BTD: variants seen among roughly 807,000 people sequenced by gnomAD.
The protein encoded by BTD is biocytinase.
BTD carries 13 observed loss-of-function variants against 17.7 expected under a neutral mutation model. The ratio of observed to expected loss-of-function variants is 0.74; its 90% CI spans 0.48 to 1.17. The LOEUF is 1.17. Among genes scored for constraint, BTD ranks in the 50% most tolerant of loss-of-function variants. The pLI, the probability that BTD is intolerant of heterozygous loss-of-function variation, is 0.00. For synonymous variants in BTD, 240 were observed against 245.2 expected (o/e 0.98, Z 0.20); for missense variants, 674 against 650.4 (o/e 1.04, Z -0.39).
intron 4 of BTD, among the ~76,000 whole-genome samples, chr3:15,718,808 T>C (rs1276553658): frequency 6.6e-6 from 1 of 152,232 alleles, no homozygotes; most frequent in Non-Finnish European, 1.5e-5. Context: ...GAAAACTTGG[T>C]TGTGACGTTT....
chr3:15,632,330 C>A (rs2065234287), intron 1 of BTD, among the ~76,000 whole-genome samples: 1 of 152,198 alleles, frequency 6.6e-6, no homozygotes, highest in African/African-American at 2.4e-5. Context: ...ACACCTAACC[C>A]CTGGGGCTGG....
At chr3:15,611,892 T>A (rs985574550) in intron 1 of BTD, among the ~76,000 whole-genome samples, 2 of 152,124 alleles carry the variant, frequency 1.3e-5, no homozygotes, top group Non-Finnish European at 2.9e-5. Flanking sequence ...TAAAAAAAAT[T>A]CTTCTGCATT....
chr3:15,649,895 A>G lies in BTD; in HGVS notation c.*4407A>G, dbSNP rs1470750319. ...TGAGTGACAGCTCTGTGCTGGATGCACATAAATGGTCTCCCTTAACTGCCA... is the reference window on the plus strand; with the variant it reads ...TGAGTGACAGCTCTGTGCTGGATGCGCATAAATGGTCTCCCTTAACTGCCA... On this transcript the variant is annotated 3_prime_UTR_variant, in exon 4 of 4. Transcript: ENST00000643237. 6.6e-6 allele frequency among the ~76,000 whole-genome samples: 1 copy of G among 152,238 alleles called. No homozygotes were observed. The highest frequency in any genetic ancestry group is 1.5e-5 in the Non-Finnish European group (1 of 68,042).
At chr3:15,612,773 C>T (rs972917128) in intron 1 of BTD, among the ~76,000 whole-genome samples, 3 of 151,812 alleles carry the variant, frequency 2.0e-5, no homozygotes, top group Admixed American at 1.3e-4. Flanking sequence ...AAAACAAGAC[C>T]CATTTATTAT....
At chr3:15,605,498 G>GGTGACTTCTTTCAAGTCTCAGAGT (rs1401166791) in intron 1 of BTD, among the ~76,000 whole-genome samples, 1 of 151,988 alleles carries the variant, frequency 6.6e-6, no homozygotes, top group Non-Finnish European at 1.5e-5. Context: ...CATCTCAGAG[G>GGTGACTTCTTTCAAGTCTCAGAGT]GTGACTTCTT....
chr3:15,667,064 G>A (rs1031955875), intron 3 of BTD, among the ~76,000 whole-genome samples: 1 of 152,152 alleles, frequency 6.6e-6, no homozygotes, highest in Non-Finnish European at 1.5e-5. Context: ...CAGGCAAGCA[G>A]TATTTGTTGA....
At chr3:15,718,833 C>T (rs2455838) in intron 4 of BTD, among the ~76,000 whole-genome samples, 101,753 of 152,108 alleles carry the variant, frequency 0.67, 34,550 homozygotes, top group East Asian at 0.91. Context: ...TTGAAAATGT[C>T]AAGATTAATT....
chr3:15,664,393 C>T (rs2125543962), intron 3 of BTD, among the ~76,000 whole-genome samples: 1 of 152,300 alleles, frequency 6.6e-6, no homozygotes, highest in South Asian at 2.1e-4. Context: ...TAGGCTGCAA[C>T]AGGAATGTGG....
intron 3 of BTD, chr3:15,695,055 T>A (rs2069335828): frequency 1.2e-6 from 1 of 804,854 alleles, no homozygotes; most frequent in South Asian, 1.7e-5. Context: ...TCTGTACACA[T>A]GATTTCTGTC....
At chr3:15,676,934 A>G in intron 3 of BTD, 1 of 1,510,132 alleles carries the variant, frequency 6.6e-7, no homozygotes, top group Non-Finnish European at 9.2e-7. Flanking sequence ...TTTTATAATT[A>G]TAGGTCACAA....
intron 3 of BTD, chr3:15,678,071 G>A: frequency 2.4e-6 from 2 of 832,526 alleles, no homozygotes; most frequent in Non-Finnish European, 3.5e-6. Context: ...AAATGAAAAT[G>A]TGGATTGCAA....
chr3:15,678,571 C>G (rs2067203153), intron 3 of BTD, among the ~76,000 whole-genome samples: 1 of 152,032 alleles, frequency 6.6e-6, no homozygotes, highest in Non-Finnish European at 1.5e-5. Flanking sequence ...TAAACTAGAA[C>G]TAGTATGAAG....
At chr3:15,710,914 G>A (rs1165939809) in exon 4 of BTD, among the ~76,000 whole-genome samples, 1 of 151,962 alleles carries the variant, frequency 6.6e-6, no homozygotes, top group African/African-American at 2.4e-5. Context: ...GTTCTCATTT[G>A]AGAACATACT....
intron 3 of BTD, chr3:15,696,007 T>C (rs1332950140): frequency 1.5e-5 from 10 of 674,430 alleles, no homozygotes; most frequent in East Asian, 2.8e-5. Context: ...ATTTAAGAGG[T>C]ATATAAATTC....
chr3:15,695,268 T>A, intron 3 of BTD: 1 of 1,317,960 alleles, frequency 7.6e-7, no homozygotes, highest in Non-Finnish European at 1.1e-6. Context: ...TCATCTATAT[T>A]AAGTCTCAAC....
Position 15,635,807 on chromosome 3 carries a change from G to A in BTD, c.249+119G>A. The A allele has an allele frequency of 2.1e-6, 3 of 1,407,780 alleles. No homozygotes were observed. Among genetic ancestry groups the A allele is most frequent in the South Asian group, 1.2e-5 (1 of 84,952 alleles). 87.2% of individuals were successfully genotyped at this position (1,407,780 alleles called of 1,614,324 possible). A position where few individuals can be genotyped will look rare whatever the true frequency, so the allele number is the denominator to read the frequency against. On this transcript the variant is annotated intron_variant, in intron 2 of 3. Coordinates refer to ENST00000643237, the MANE Select transcript of BTD (RefSeq NM_001370658.1). This position sits in a 1 kb window ranked among gnomAD's most constrained non-coding sequence, Gnocchi z 4.1. ...CACCCTCTGAAAAAGCATCCAGGTAGTTAACCTGAGTTGAGTTAGTCAGTT... is the reference window on the plus strand; with the variant it reads ...CACCCTCTGAAAAAGCATCCAGGTAATTAACCTGAGTTGAGTTAGTCAGTT...
intron 1 of BTD, among the ~76,000 whole-genome samples, chr3:15,628,756 T>G (rs2065129786): frequency 6.6e-6 from 1 of 152,234 alleles, no homozygotes; most frequent in Admixed American, 6.5e-5. Flanking sequence ...ATCAATAGTT[T>G]AAGACTTTTT....
At chr3:15,691,424 C>CG (rs1559344666) in intron 3 of BTD, among the ~76,000 whole-genome samples, 3 of 152,130 alleles carry the variant, frequency 2.0e-5, no homozygotes, top group Admixed American at 1.3e-4. Context: ...CGCCCGGCCC[C>CG]GAGTTGCCTT....
intron 3 of BTD, chr3:15,685,550 A>C (rs2068012476): frequency 1.0e-6 from 1 of 966,872 alleles, no homozygotes; most frequent in East Asian, 2.5e-5. Flanking sequence ...ATATCCTTCC[A>C]TCAATTAAAG....
Sources: gnomAD v4.1 joint callset for allele counts (sites outside exome capture counted in the v4.1 genomes callset) on GRCh38, gnomAD v4.1.1 for gene constraint, Gnocchi (gnomAD v3.1) non-coding constraint, MANE v1.5 for transcripts, NCBI Gene and HGNC (gene_info 2026-07-23, HGNC 2026-07-21) for gene names.